Variants in GFOD2 observed in about 807,000 individuals in gnomAD.
GFOD2 encodes the protein glucose-fructose oxidoreductase domain-containing protein 2.
In GFOD2, 9 loss-of-function variants were observed where a neutral mutation model predicts 24.6. The observed-to-expected ratio is 0.37, with a 90% CI of 0.22 to 0.64. The LOEUF (loss-of-function observed/expected upper bound fraction) is 0.64. GFOD2 is among the 30% of genes least tolerant of loss of function. The pLI, the probability that GFOD2 is intolerant of heterozygous loss-of-function variation, is 0.65. For missense variants in GFOD2, 476 were observed against 532.5 expected (o/e 0.89, Z 1.04); for synonymous variants, 211 against 224.8 (o/e 0.94, Z 0.55).
chr16:67,712,153 C>CAT (rs1291370190), intron 1 of GFOD2, among the ~76,000 whole-genome samples: 1 of 152,120 alleles, frequency 6.6e-6, no homozygotes, highest in African/African-American at 2.4e-5. Flanking sequence ...TAAACTAAGA[C>CAT]ATATATACTG....
At chr16:67,683,785 C>A in intron 2 of GFOD2, 1 of 1,226,300 alleles carries the variant, frequency 8.2e-7, no homozygotes, top group Admixed American at 4.2e-5. Flanking sequence ...TGGCAGTGGT[C>A]AGGAAGAGTG....
chr16:67,710,935 C>A (rs2053469426), intron 1 of GFOD2, among the ~76,000 whole-genome samples: 1 of 152,066 alleles, frequency 6.6e-6, no homozygotes, highest in South Asian at 2.1e-4. Flanking sequence ...GTCTTCATCA[C>A]CATGAAAAAA....
chr16:67,713,090 G>A (rs1195741623), intron 1 of GFOD2, among the ~76,000 whole-genome samples: 2 of 149,692 alleles, frequency 1.3e-5, no homozygotes, highest in Non-Finnish European at 2.9e-5. Context: ...CGCCATCTTG[G>A]TCAGGCTGGT....
chr16:67,715,157 C>G (rs2053498455), intron 1 of GFOD2, among the ~76,000 whole-genome samples: 1 of 152,030 alleles, frequency 6.6e-6, no homozygotes, highest in South Asian at 2.1e-4. Flanking sequence ...CTCCCGAGTT[C>G]AAGCAATTCT....
chr16:67,679,239 T>A (rs1166297662), intron 2 of GFOD2, among the ~76,000 whole-genome samples: 3 of 151,340 alleles, frequency 2.0e-5, no homozygotes, highest in Non-Finnish European at 4.4e-5. Context: ...TTTTTTTCTT[T>A]TTTTTTTTTT....
chr16:67,696,715 C>T (rs112192397), intron 1 of GFOD2, among the ~76,000 whole-genome samples: 15,094 of 151,146 alleles, frequency 0.1, 843 homozygotes, highest in South Asian at 0.13. Context: ...CCTCGTGATC[C>T]GCCTGCCTCA....
At chr16:67,699,053 A>G (rs2053379447) in intron 1 of GFOD2, among the ~76,000 whole-genome samples, 1 of 152,146 alleles carries the variant, frequency 6.6e-6, no homozygotes, top group African/African-American at 2.4e-5. Flanking sequence ...AATTAAATCT[A>G]GCAATGTGGC....
chr16:67,700,815 C>A (rs1174244899), intron 1 of GFOD2, among the ~76,000 whole-genome samples: 1 of 151,138 alleles, frequency 6.6e-6, no homozygotes, highest in African/African-American at 2.4e-5. Flanking sequence ...GGCGGATCAC[C>A]CGAGATCAGG....
intron 1 of GFOD2, among the ~76,000 whole-genome samples, chr16:67,697,886 A>C (rs2053369587): frequency 6.6e-6 from 1 of 152,220 alleles, no homozygotes; most frequent in African/African-American, 2.4e-5. Flanking sequence ...GTGACAAGTC[A>C]GCAAGGTGAG....
At chr16:67,713,698 G>C (rs1447585191) in intron 1 of GFOD2, among the ~76,000 whole-genome samples, 1 of 152,140 alleles carries the variant, frequency 6.6e-6, no homozygotes, top group African/African-American at 2.4e-5. Context: ...GAAGGGGCTT[G>C]GAGCTTTCAT....
In GFOD2 at chr16:67,685,641, T is replaced by G; in HGVS notation, c.75A>C (p.Ala25=). The G allele has an allele frequency of 6.2e-7, 1 of 1,614,188 alleles. No individual in the cohort carries two copies. Among genetic ancestry groups the G allele is most frequent in the African/African-American group, 1.3e-5 (1 of 75,058 alleles). ...ACAGGGCCTCAACAGTGAACCCTTC[T>G]GCCCTCAGCAGTGGGACCAGAACTC... ...SARVLVPLLR[A]EGFTVEALWG... Residue 25 remains alanine (A), a synonymous_variant, in exon 2 of 3, where the codon GCA becomes GCC. Coordinates refer to ENST00000268797, the MANE Select transcript of GFOD2 (RefSeq NM_030819.4).
At chr16:67,685,319 G>C in intron 2 of GFOD2, 138 bp downstream of exon 2, 1 of 1,486,920 alleles carries the variant, frequency 6.7e-7, no homozygotes, top group East Asian at 2.4e-5. Context: ...CACTGCTTCA[G>C]GGACAAGTGA....
chr16:67,706,530 C>G (rs1315555782), intron 1 of GFOD2, among the ~76,000 whole-genome samples: 1 of 152,104 alleles, frequency 6.6e-6, no homozygotes, highest in East Asian at 1.9e-4. Flanking sequence ...ACCCCTCTCT[C>G]TCACTGTTAT....
chr16:67,688,182 CT>C (rs1366042858), intron 1 of GFOD2, among the ~76,000 whole-genome samples: 4 of 151,794 alleles, frequency 2.6e-5, no homozygotes, highest in African/African-American at 9.7e-5. Flanking sequence ...AAAACACACA[CT>C]ATCAGAAGTA....
intron 2 of GFOD2, chr16:67,681,973 A>T (rs1388817299): frequency 1.6e-5 from 11 of 686,636 alleles, no homozygotes; most frequent in Non-Finnish European, 2.0e-5. Context: ...TGAGGTTAGG[A>T]GTTCGAAACC....
chr16:67,680,995 C>T (rs372146666), intron 2 of GFOD2: 7 of 985,412 alleles, frequency 7.1e-6, no homozygotes, highest in East Asian at 1.1e-4. Context: ...TTGCACGGGG[C>T]CCGGCAGGGA....
chr16:67,691,828 G>A (rs1254425293), intron 1 of GFOD2, among the ~76,000 whole-genome samples: 1 of 152,068 alleles, frequency 6.6e-6, no homozygotes, highest in Non-Finnish European at 1.5e-5. Flanking sequence ...CTACTCACTG[G>A]TGTCACCAGC....
Position 67,675,023 on chromosome 16 carries a change from A to G in GFOD2, c.*132T>C. 9.6e-7 allele frequency: 1 copy of G among 1,044,466 alleles called. No individual in the cohort carries two copies. The highest frequency in any genetic ancestry group is 1.4e-6 in the Non-Finnish European group (1 of 718,444). 64.7% of individuals were successfully genotyped at this position (1,044,466 alleles called of 1,614,324 possible). On this transcript the variant is annotated 3_prime_UTR_variant, in exon 3 of 3. Coordinates refer to ENST00000268797, the MANE Select transcript of GFOD2 (RefSeq NM_030819.4). The stretch of plus-strand genomic sequence containing the variant: ...GCCACTGGAGGGGGCGAAGTCCCAG[A>G]GCCACCTCTGGCTTCACCCAGACTC...
At chr16:67,689,005 C>A (rs1220317192) in intron 1 of GFOD2, among the ~76,000 whole-genome samples, 2 of 149,708 alleles carry the variant, frequency 1.3e-5, no homozygotes, top group Non-Finnish European at 3.0e-5. Flanking sequence ...TCCCGAAGTG[C>A]TGGGATTACA....
Sources: gnomAD v4.1 joint callset for allele counts (sites outside exome capture counted in the v4.1 genomes callset) on GRCh38, gnomAD v4.1.1 for gene constraint, MANE v1.5 for transcripts, NCBI Gene and HGNC (gene_info 2026-07-23, HGNC 2026-07-21) for gene names.